Variants in PDE4D observed in about 807,000 individuals in gnomAD.
The protein encoded by PDE4D is phosphodiesterase 4D.
Under a neutral mutation model 87.4 loss-of-function variants are expected in PDE4D, and 24 were observed. The observed-to-expected ratio is 0.27, with a 90% CI of 0.20 to 0.39. PDE4D has a LOEUF of 0.39. PDE4D is among the 10% of genes least tolerant of loss of function. The probability of loss-of-function intolerance (pLI) is 1.00; values close to 1 mark genes in which losing one functional copy is unlikely to be tolerated. For synonymous variants in PDE4D, 384 were observed against 383.2 expected, an observed-to-expected ratio of 1.00 and a Z score of -0.02; for missense variants, 714 against 1,041.0, an observed-to-expected ratio of 0.69 and a Z score of 4.32.
At chr5:59,803,992 C>T (rs1767451488) in intron 1 of PDE4D, among the ~76,000 whole-genome samples, 1 of 152,086 alleles carries the variant, frequency 6.6e-6, no homozygotes, top group Non-Finnish European at 1.5e-5. Context: ...CTGGAATGAC[C>T]ATGTCCCACT....
At chr5:60,357,574 G>T in intron 1 of PDE4D, among the ~76,000 whole-genome samples, 1 of 152,086 alleles carries the variant, frequency 6.6e-6, no homozygotes, top group East Asian at 1.9e-4. Flanking sequence ...GCATTTCAAA[G>T]ACTAAACTTT....
intron 1 of PDE4D, among the ~76,000 whole-genome samples, chr5:59,421,763 TA>T (rs1222009571): frequency 6.6e-6 from 1 of 152,148 alleles, no homozygotes; most frequent in Non-Finnish European, 1.5e-5. Flanking sequence ...AACTTTTTTT[TA>T]AATAAAGAAC....
chr5:59,327,787 A>G (rs1338900958), intron 1 of PDE4D, among the ~76,000 whole-genome samples: 2 of 152,220 alleles, frequency 1.3e-5, no homozygotes, highest in Non-Finnish European at 2.9e-5. Context: ...ACTAAGAGCC[A>G]GGAAATTTGG....
chr5:60,286,206 T>G (rs1752401670), intron 1 of PDE4D, among the ~76,000 whole-genome samples: 1 of 152,208 alleles, frequency 6.6e-6, no homozygotes, highest in South Asian at 2.1e-4. Context: ...TAGCAGAATT[T>G]GTCTGTTTCC....
chr5:59,042,683 C>G (rs908194250), intron 5 of PDE4D, among the ~76,000 whole-genome samples: 2 of 152,156 alleles, frequency 1.3e-5, no homozygotes, highest in Non-Finnish European at 2.9e-5. Flanking sequence ...ATAAATTGAG[C>G]CTTGAAGGCC....
intron 2 of PDE4D, among the ~76,000 whole-genome samples, chr5:60,035,033 A>C (rs974988653): frequency 6.6e-6 from 1 of 152,142 alleles, no homozygotes; most frequent in African/African-American, 2.4e-5. Flanking sequence ...AGGCGGGAGG[A>C]TCACCTGAAG....
intron 2 of PDE4D, among the ~76,000 whole-genome samples, chr5:60,008,273 C>G (rs962585993): frequency 4.0e-5 from 6 of 151,824 alleles, no homozygotes; most frequent in Non-Finnish European, 5.9e-5. Flanking sequence ...GCTATAGGCA[C>G]CAGAAATTTA....
chr5:59,848,675 A>G (rs1217502811), intron 1 of PDE4D, among the ~76,000 whole-genome samples: 1 of 152,042 alleles, frequency 6.6e-6, no homozygotes, highest in African/African-American at 2.4e-5. Context: ...CAAAACTACA[A>G]TGAGACACCA....
At chr5:59,941,159 C>G (rs2152798261) in intron 3 of PDE4D, among the ~76,000 whole-genome samples, 1 of 152,292 alleles carries the variant, frequency 6.6e-6, no homozygotes, top group South Asian at 2.1e-4. Context: ...TAATTTCCCT[C>G]AGTTAAGTCA....
intron 2 of PDE4D, among the ~76,000 whole-genome samples, chr5:60,112,752 G>C (rs770894337): frequency 6.6e-6 from 1 of 152,032 alleles, no homozygotes; most frequent in Non-Finnish European, 1.5e-5. Context: ...GTCAACCGAG[G>C]ATCCTTAGTT....
chr5:59,518,644 G>T (rs888877667), intron 1 of PDE4D, among the ~76,000 whole-genome samples: 1 of 152,190 alleles, frequency 6.6e-6, no homozygotes, highest in African/African-American at 2.4e-5. Flanking sequence ...GCAATAGTCA[G>T]GGAATGTTTC....
At chr5:60,402,654 G>C (rs72755118) in intron 1 of PDE4D, among the ~76,000 whole-genome samples, 546 of 152,236 alleles carry the variant, frequency 3.6e-3, no homozygotes, top group Non-Finnish European at 6.3e-3. Context: ...GCTGCATAAG[G>C]GCACCCAGTT....
At chr5:59,360,099 G>T (rs1259973416) in intron 1 of PDE4D, among the ~76,000 whole-genome samples, 1 of 152,112 alleles carries the variant, frequency 6.6e-6, no homozygotes, top group East Asian at 1.9e-4. Flanking sequence ...TTGGGTTTCG[G>T]TGTCTGACAC....
intron 1 of PDE4D, among the ~76,000 whole-genome samples, chr5:59,773,693 A>T (rs1408852117): frequency 6.6e-6 from 1 of 152,130 alleles, no homozygotes. Context: ...AAATTATTTT[A>T]TCTTAAATTT....
intron 1 of PDE4D, among the ~76,000 whole-genome samples, chr5:59,492,792 G>C (rs1806455984): frequency 6.6e-6 from 1 of 152,150 alleles, no homozygotes; most frequent in South Asian, 2.1e-4. Flanking sequence ...GAATTATGGG[G>C]TGGGTCTTTC....
intron 1 of PDE4D, among the ~76,000 whole-genome samples, chr5:60,193,523 A>G (rs1421095012): frequency 6.6e-6 from 1 of 151,572 alleles, no homozygotes; most frequent in Non-Finnish European, 1.5e-5. Context: ...ACAAAAAATT[A>G]GCCGGGCGAG....
At chr5:59,690,443 A>G (rs1750714595) in intron 1 of PDE4D, among the ~76,000 whole-genome samples, 1 of 152,190 alleles carries the variant, frequency 6.6e-6, no homozygotes, top group African/African-American at 2.4e-5. Flanking sequence ...ATCTTTGACA[A>G]ACCTGACAAC....
intron 2 of PDE4D, among the ~76,000 whole-genome samples, chr5:59,200,133 A>G (rs140781176): frequency 1.3e-5 from 2 of 150,968 alleles, no homozygotes; most frequent in Admixed American, 6.6e-5. Flanking sequence ...ATGTAGACAT[A>G]CATGTATGTA....
chr5:60,518,073 C>CTG (rs1182773749), intron 1 of PDE4D, among the ~76,000 whole-genome samples: 3 of 152,386 alleles, frequency 2.0e-5, no homozygotes, highest in South Asian at 4.1e-4. Flanking sequence ...TGGAAGCCAT[C>CTG]TGTGGTACAC....
Sources: allele counts gnomAD v4.1 joint callset (sites outside exome capture counted in the v4.1 genomes callset), GRCh38; gene constraint gnomAD v4.1.1; transcripts MANE v1.5; gene names NCBI Gene and HGNC (gene_info 2026-07-23, HGNC 2026-07-21).